Variants in COG4 observed in about 807,000 individuals in gnomAD.
COG4 encodes component of oligomeric golgi complex 4, also known as conserved oligomeric Golgi complex subunit 4.
COG4 carries 65 observed loss-of-function variants against 95.1 expected under a neutral mutation model. That is an observed-to-expected ratio of 0.68 (90% CI 0.56 to 0.84). COG4 has a LOEUF of 0.84. Ranked by LOEUF, COG4 falls within the 40% of genes least tolerant of loss-of-function variation. The pLI is 0.00. For synonymous variants in COG4, 421 were observed against 374.8 expected, an observed-to-expected ratio of 1.12 and a Z score of -1.42; for missense variants, 1,045 against 989.1, an observed-to-expected ratio of 1.06 and a Z score of -0.76.
chr16:70,485,313 C>T (rs900575223), intron 13 of COG4, among the ~76,000 whole-genome samples: 5 of 151,326 alleles, frequency 3.3e-5, no homozygotes, highest in South Asian at 2.1e-4. Flanking sequence ...AAGCGATTCT[C>T]GTGCCTCAGC....
chr16:70,508,214 C>T (rs138145379), intron 8 of COG4, among the ~76,000 whole-genome samples, 192 bp downstream of exon 8: 44 of 152,150 alleles, frequency 2.9e-4, no homozygotes, highest in Admixed American at 1.8e-3. Flanking sequence ...CCACCGCGCC[C>T]GGCTGATTAT....
At chr16:70,494,372 T>G (rs1371573029) in intron 12 of COG4, among the ~76,000 whole-genome samples, 1 of 152,154 alleles carries the variant, frequency 6.6e-6, no homozygotes, top group Non-Finnish European at 1.5e-5. Flanking sequence ...GTCAGTAAAT[T>G]TGGAGAATTC....
At chr16:70,494,994 T>C (rs1046231232) in intron 12 of COG4, among the ~76,000 whole-genome samples, 5 of 152,258 alleles carry the variant, frequency 3.3e-5, no homozygotes, top group Middle Eastern at 3.4e-3. Context: ...CATAACTAGT[T>C]ACTATGGGTT....
intron 3 of COG4, among the ~76,000 whole-genome samples, chr16:70,516,661 G>C (rs1433951949): frequency 6.6e-6 from 1 of 151,852 alleles, no homozygotes; most frequent in Non-Finnish European, 1.5e-5. Context: ...TGATATTTTT[G>C]TCTGGCTTTG....
intron 12 of COG4, among the ~76,000 whole-genome samples, chr16:70,490,784 C>T (rs1469571942): frequency 1.3e-5 from 2 of 151,910 alleles, no homozygotes; most frequent in Non-Finnish European, 2.9e-5. Context: ...CTCAGCCACC[C>T]GAGTAGCTGG....
chr16:70,506,888 G>C (rs2049589363), intron 8 of COG4, among the ~76,000 whole-genome samples: 1 of 152,104 alleles, frequency 6.6e-6, no homozygotes, highest in South Asian at 2.1e-4. Flanking sequence ...CAAAAGTGTA[G>C]TCATGCTACA....
Position 70,483,883 on chromosome 16 carries a change from G to T in COG4, c.1797C>A (p.Ala599=). The T allele has an allele frequency of 1.9e-6, 3 of 1,613,404 alleles. No homozygotes were observed. Among genetic ancestry groups the T allele is most frequent in the Non-Finnish European group, 2.5e-6 (3 of 1,179,980 alleles). The change falls in exon 14 of 19, where the codon GCC becomes GCA. Residue 599 remains alanine, a synonymous_variant. Coordinates refer to ENST00000323786, the MANE Select transcript of COG4 (RefSeq NM_015386.3). ...AGAGGTCTCGGAATTTGTTGGACAC[G>T]GCGGCCAAGTCAGAAAGGCAGCTGT... ...KFDSCLSDLA[A]VSNKFRDLLQ...
chr16:70,484,005 G>C (rs750986272), intron 13 of COG4, 36 bp from the exon 14 acceptor site: 1 of 1,480,910 alleles, frequency 6.8e-7, no homozygotes, highest in Non-Finnish European at 9.4e-7. Context: ...CACCGAGCAC[G>C]CGTGGGCCAT....
rs764026543 is a variant in COG4 at position 70,523,526 on chromosome 16, C to G, written c.18G>C (p.Ala6=). 6.2e-7 allele frequency: 1 copy of G among 1,614,006 alleles called. No homozygotes were observed. The highest frequency in any genetic ancestry group is 8.5e-7 in the Non-Finnish European group (1 of 1,180,034). The change falls in exon 1 of 19, where the codon GCG becomes GCC. Residue 6 remains alanine, a synonymous_variant. Coordinates refer to ENST00000323786, the MANE Select transcript of COG4 (RefSeq NM_015386.3). The part of the protein sequence containing the change: MGTKM[A]DLDSPPKLSG... ...ACAGCTTCGGAGGCGAATCAAGGTC[C>G]GCCATCTTGGTCCCCATTCGGCACT...
At chr16:70,510,740 TA>T (rs921539223) in intron 5 of COG4, among the ~76,000 whole-genome samples, 1 of 150,344 alleles carries the variant, frequency 6.7e-6, no homozygotes, top group African/African-American at 2.4e-5. Context: ...AGTATACTGA[TA>T]AAAAAAGTAC....
At chr16:70,496,072 C>T (rs1262566406) in intron 12 of COG4, among the ~76,000 whole-genome samples, 194 bp downstream of exon 12, 2 of 152,216 alleles carry the variant, frequency 1.3e-5, no homozygotes, top group African/African-American at 2.4e-5. Flanking sequence ...GCTCAGGTGA[C>T]TCAGAATATG....
intron 4 of COG4, among the ~76,000 whole-genome samples, chr16:70,513,475 G>A (rs1307393479): frequency 2.0e-5 from 3 of 152,068 alleles, no homozygotes; most frequent in African/African-American, 7.2e-5. Context: ...TGAAACCATC[G>A]ACAGTACTGA....
intron 9 of COG4, among the ~76,000 whole-genome samples, chr16:70,499,131 G>A (rs552345016): frequency 3.3e-5 from 5 of 152,064 alleles, no homozygotes; most frequent in Admixed American, 2.6e-4. Context: ...CCATGTTAGC[G>A]ATTGAGCACT....
intron 13 of COG4, among the ~76,000 whole-genome samples, chr16:70,487,745 TCCA>T (rs758874180): frequency 8.9e-4 from 136 of 152,372 alleles, no homozygotes; most frequent in Non-Finnish European, 1.1e-3. Context: ...CCCCTCATTT[TCCA>T]ATAGTTCACA....
intron 12 of COG4, among the ~76,000 whole-genome samples, chr16:70,492,553 T>C (rs1307572975): frequency 6.6e-6 from 1 of 150,482 alleles, no homozygotes; most frequent in Non-Finnish European, 1.5e-5. Context: ...CCCAGCTACT[T>C]GGGAGGCTGA....
intron 1 of COG4, 70 bp from the exon 2 acceptor site, chr16:70,519,801 A>G: frequency 8.9e-7 from 1 of 1,128,406 alleles, no homozygotes; most frequent in South Asian, 1.3e-5. Flanking sequence ...TAATCCAATC[A>G]CTTAGCTGAA....
At chr16:70,492,760 C>T (rs1270075204) in intron 12 of COG4, among the ~76,000 whole-genome samples, 5 of 151,564 alleles carry the variant, frequency 3.3e-5, no homozygotes, top group Admixed American at 6.6e-5. Context: ...GTCAGGAGTT[C>T]GAGACCATCC....
chr16:70,511,727 G>T (rs545834188), intron 5 of COG4, among the ~76,000 whole-genome samples: 1 of 152,154 alleles, frequency 6.6e-6, no homozygotes, highest in Non-Finnish European at 1.5e-5. Context: ...GACGTTGGGA[G>T]TTCGAGACTA....
At position 70,490,594 on chromosome 16, in the gene COG4, C is replaced by T. The variant is rs1405638396; in HGVS notation, c.1648-202G>A. ...ATTGGGCAGAATGGGGAAGCAGGCT[C>T]GCCCTTTCTTCTGTGCCTGATGACA... On this transcript the variant is annotated intron_variant, in intron 12 of 18. Coordinates refer to ENST00000323786, the MANE Select transcript of COG4 (RefSeq NM_015386.3). Among the ~76,000 whole-genome samples the T allele has an allele frequency of 2.6e-5, 4 of 152,158 alleles. No homozygotes were observed. The South Asian group carries it at 8.3e-4, about 32-fold the overall frequency.
Sources: allele counts gnomAD v4.1 joint callset (sites outside exome capture counted in the v4.1 genomes callset), GRCh38; gene constraint gnomAD v4.1.1; transcripts MANE v1.5; gene names NCBI Gene and HGNC (gene_info 2026-07-23, HGNC 2026-07-21).